The following PHACTR3 variants were observed in gnomAD, a reference collection of about 807,000 sequenced individuals.
PHACTR3 encodes the protein protein phosphatase 1, regulatory subunit 123.
In PHACTR3, 16 loss-of-function variants were observed where a neutral mutation model predicts 66.8. That is an observed-to-expected ratio of 0.24 (90% CI 0.16 to 0.36). The LOEUF is 0.36. Ranked by LOEUF, PHACTR3 falls within the 10% of genes least tolerant of loss-of-function variation. The pLI, the probability that PHACTR3 is intolerant of heterozygous loss-of-function variation, is 1.00. For synonymous variants in PHACTR3, 323 were observed against 292.1 expected, an observed-to-expected ratio of 1.11 and a Z score of -1.08; for missense variants, 647 against 719.9, an observed-to-expected ratio of 0.90 and a Z score of 1.16.
At chr20:59,840,743 G>C (rs2059043451) in intron 10 of PHACTR3, among the ~76,000 whole-genome samples, 1 of 152,196 alleles carries the variant, frequency 6.6e-6, no homozygotes, top group Non-Finnish European at 1.5e-5. Context: ...ACAGTGTCTA[G>C]GAAAAGCATA....
At chr20:59,816,612 A>G (rs2041894301) in intron 8 of PHACTR3, among the ~76,000 whole-genome samples, 1 of 152,206 alleles carries the variant, frequency 6.6e-6, no homozygotes, top group Non-Finnish European at 1.5e-5. Context: ...TCCTCCACCT[A>G]GGCAGTAGAC....
chr20:59,785,902 CT>C (rs2040898322), intron 7 of PHACTR3, among the ~76,000 whole-genome samples: 1 of 4,052 alleles, frequency 2.5e-4, no homozygotes, highest in South Asian at 0.062. Flanking sequence ...CAACGGCCCT[CT>C]GCATCCCCTG....
At chr20:59,808,804 C>T (rs139047317) in intron 8 of PHACTR3, among the ~76,000 whole-genome samples, 5 of 152,290 alleles carry the variant, frequency 3.3e-5, no homozygotes, top group Non-Finnish European at 7.4e-5. Context: ...CTTTGAGAAG[C>T]GAGGGTCTAC....
intron 1 of PHACTR3, among the ~76,000 whole-genome samples, chr20:59,722,218 T>C (rs746976503): frequency 6.8e-6 from 1 of 148,112 alleles, no homozygotes; most frequent in Non-Finnish European, 1.5e-5. Flanking sequence ...GGCAGCAGAG[T>C]GAGACTCTGT....
chr20:59,746,507 G>C (rs746127790), intron 2 of PHACTR3, among the ~76,000 whole-genome samples: 9 of 152,240 alleles, frequency 5.9e-5, no homozygotes, highest in Non-Finnish European at 1.0e-4. Flanking sequence ...TGTTCCCCCA[G>C]TGGAGCCCCA....
intron 4 of PHACTR3, among the ~76,000 whole-genome samples, chr20:59,761,237 C>T (rs2039983502): frequency 6.6e-6 from 1 of 152,068 alleles, no homozygotes; most frequent in Admixed American, 6.6e-5. Context: ...TCCCTGTGCC[C>T]TGCTCCTGTC....
At chr20:59,606,884 G>C (rs2033689633) in intron 1 of PHACTR3, among the ~76,000 whole-genome samples, 1 of 152,182 alleles carries the variant, frequency 6.6e-6, no homozygotes, top group Non-Finnish European at 1.5e-5. Context: ...CCAGAGAACA[G>C]GTGTCAGAGG....
intron 1 of PHACTR3, among the ~76,000 whole-genome samples, chr20:59,587,315 G>C (rs962657646): frequency 2.9e-4 from 44 of 152,356 alleles, no homozygotes; most frequent in African/African-American, 1.1e-3. Context: ...ACAGAGGTGG[G>C]AGAAGGACCC....
intron 1 of PHACTR3, among the ~76,000 whole-genome samples, chr20:59,704,230 A>T (rs2037614133): frequency 6.6e-6 from 1 of 152,070 alleles, no homozygotes; most frequent in South Asian, 2.1e-4. Flanking sequence ...GTAATGATGC[A>T]TTTTTGTTGT....
chr20:59,695,995 A>G (rs974114573), intron 1 of PHACTR3, among the ~76,000 whole-genome samples: 1 of 152,148 alleles, frequency 6.6e-6, no homozygotes, highest in African/African-American at 2.4e-5. Flanking sequence ...TGCCTCCCAA[A>G]GTGCTGGGAT....
intron 7 of PHACTR3, among the ~76,000 whole-genome samples, chr20:59,775,389 G>A (rs955029712): frequency 2.4e-4 from 37 of 152,288 alleles, no homozygotes; most frequent in African/African-American, 7.9e-4. Context: ...GTCTCCCTGG[G>A]TGTCTGTGGG....
At chr20:59,793,653 GTTTAT>G (rs1302490169) in intron 7 of PHACTR3, among the ~76,000 whole-genome samples, 24 of 151,904 alleles carry the variant, frequency 1.6e-4, no homozygotes, top group Admixed American at 1.3e-3. Flanking sequence ...TATGGAATTT[GTTTAT>G]TTTAACAGTT....
chr20:59,815,432 GT>G (rs761210737), intron 8 of PHACTR3, among the ~76,000 whole-genome samples: 38 of 130,342 alleles, frequency 2.9e-4, no homozygotes, highest in Middle Eastern at 4.2e-3. Context: ...TTTTTTTTTT[GT>G]TTTTTTTTTT....
At position 59,674,571 on chromosome 20, in the gene PHACTR3, T is replaced by G. The variant is rs1265320106; in HGVS notation, c.119-68536T>G. 7.3e-5 allele frequency among the ~76,000 whole-genome samples: 3 copies of G among 41,264 alleles called. 1 individual carries two copies. Among genetic ancestry groups the G allele is most frequent in the Non-Finnish European group, 1.1e-4 (3 of 27,026 alleles). 27.1% of individuals were successfully genotyped at this position (41,264 alleles called of 152,430 possible). A position where few individuals can be genotyped will look rare whatever the true frequency, so the allele number is the denominator to read the frequency against. On this transcript the variant is annotated intron_variant, in intron 1 of 12. Transcript: ENST00000371015. Reference sequence around the variant, plus strand: ...TTCCCTCCTTCTCCTATTCCCCGCTTCTCCTGTTCCCCCCTTCTCCTGTCC... The same window carrying G: ...TTCCCTCCTTCTCCTATTCCCCGCTGCTCCTGTTCCCCCCTTCTCCTGTCC...
chr20:59,761,257 G>T (rs1450950166), intron 4 of PHACTR3, among the ~76,000 whole-genome samples: 3 of 152,064 alleles, frequency 2.0e-5, no homozygotes, highest in Non-Finnish European at 4.4e-5. Flanking sequence ...CTTCCTAGCT[G>T]GTGGCTGCCC....
At position 59,628,827 on chromosome 20, in the gene PHACTR3, G is replaced by T. The variant is rs2034558900; in HGVS notation, c.118+23695G>T. The T allele has an allele frequency of 5.1e-6, 5 of 984,850 alleles. No homozygotes were observed. The South Asian group carries it at 1.4e-4, about 28-fold the overall frequency. 61.0% of individuals were successfully genotyped at this position (984,850 alleles called of 1,614,324 possible). A position where few individuals can be genotyped will look rare whatever the true frequency, so the allele number is the denominator to read the frequency against. On this transcript the variant is annotated intron_variant, in intron 1 of 12. Transcript: ENST00000371015. ...GGAAGAGCCACGGAGGTTAGATCTTGTTTTTTGTTTGTTTTTAATACAATT... is the reference window on the plus strand; with the variant it reads ...GGAAGAGCCACGGAGGTTAGATCTTTTTTTTTGTTTGTTTTTAATACAATT...
chr20:59,838,156 C>G (rs930462670), intron 9 of PHACTR3, among the ~76,000 whole-genome samples: 2 of 152,100 alleles, frequency 1.3e-5, no homozygotes, highest in African/African-American at 2.4e-5. Context: ...GCTCGGAAGC[C>G]CTCTCTAGTG....
chr20:59,834,943 A>T (rs1433462077), intron 8 of PHACTR3, among the ~76,000 whole-genome samples: 4 of 152,164 alleles, frequency 2.6e-5, no homozygotes, highest in African/African-American at 7.2e-5. Flanking sequence ...TTGCAAAAAA[A>T]CCCTCATAAT....
rs571538869 is a variant in PHACTR3 at position 59,672,068 on chromosome 20, C to T, written c.118+66936C>T. Among the ~76,000 whole-genome samples the T allele has an allele frequency of 2.6e-5, 4 of 152,330 alleles. No individual in the cohort carries two copies. The East Asian group carries it at 7.7e-4, about 29-fold the overall frequency. ...TGGCTGTAACCACAGCTTTCAGAAG[C>T]GGTTCTCAAATGTGGGCAGTTTGGG... is the stretch of plus-strand genomic sequence containing the variant. On this transcript the variant is annotated intron_variant, in intron 1 of 12. Transcript: ENST00000371015.
Sources: gnomAD v4.1 joint callset for allele counts (sites outside exome capture counted in the v4.1 genomes callset) on GRCh38, gnomAD v4.1.1 for gene constraint, MANE v1.5 for transcripts, NCBI Gene and HGNC (gene_info 2026-07-23, HGNC 2026-07-21) for gene names.